Variants in HLA-DQB2 observed in about 807,000 individuals in gnomAD.
The protein encoded by HLA-DQB2 is HLA class II histocompatibility antigen, DQ beta 2 chain.
Under a neutral mutation model 29.2 loss-of-function variants are expected in HLA-DQB2, and 24 were observed. The observed-to-expected ratio is 0.82, with a 90% CI of 0.60 to 1.16. The LOEUF (loss-of-function observed/expected upper bound fraction) is 1.16. Among genes scored for constraint, HLA-DQB2 ranks in the 50% most tolerant of loss-of-function variants. The pLI is 0.00. For synonymous variants in HLA-DQB2, 104 were observed against 133.1 expected, an observed-to-expected ratio of 0.78 and a Z score of 1.51; for missense variants, 273 against 343.6, an observed-to-expected ratio of 0.79 and a Z score of 1.62.
At chr6:32,756,639 G>A (rs1764284934) in intron 5 of HLA-DQB2, 173 bp from the exon 6 acceptor site, 1 of 1,408,736 alleles carries the variant, frequency 7.1e-7, no homozygotes. Context: ...TGAGGACACA[G>A]AACTTCAGCT....
At chr6:32,758,750 T>G in intron 3 of HLA-DQB2, 100 bp downstream of exon 3, 1 of 1,237,458 alleles carries the variant, frequency 8.1e-7, no homozygotes, top group Non-Finnish European at 1.1e-6. Flanking sequence ...CCCAGCTCAG[T>G]AGTGATGTCA....
intron 2 of HLA-DQB2, among the ~76,000 whole-genome samples, chr6:32,759,333 T>G (rs1764569858): frequency 6.7e-6 from 1 of 149,748 alleles, no homozygotes; most frequent in Admixed American, 6.7e-5. Context: ...GTTCCTGCCT[T>G]TATAGAACTT....
chr6:32,759,858 G>C (rs200835450), intron 2 of HLA-DQB2, among the ~76,000 whole-genome samples: 1 of 152,204 alleles, frequency 6.6e-6, no homozygotes, highest in Non-Finnish European at 1.5e-5. Flanking sequence ...CATATAGCTG[G>C]GATTTGCTGA....
intron 1 of HLA-DQB2, among the ~76,000 whole-genome samples, chr6:32,763,058 C>T (rs9276584): frequency 0.17 from 25,986 of 151,536 alleles, 2,294 homozygotes; most frequent in Non-Finnish European, 0.19. Context: ...TGGGGAAATG[C>T]ATATCTTTGG....
At chr6:32,761,010 G>A (rs2006165) in intron 2 of HLA-DQB2, among the ~76,000 whole-genome samples, 101,004 of 147,244 alleles carry the variant, frequency 0.69, 30,949 homozygotes, top group East Asian at 0.83. Flanking sequence ...ACCACATGCC[G>A]GTCCACGAGT....
intron 3 of HLA-DQB2, 116 bp downstream of exon 3, chr6:32,758,734 G>A: frequency 8.0e-7 from 1 of 1,253,458 alleles, no homozygotes; most frequent in Non-Finnish European, 1.1e-6. Flanking sequence ...CTAGTCTCCT[G>A]TGATTCCCAG....
chr6:32,758,660 G>A (rs6457649), intron 3 of HLA-DQB2, among the ~76,000 whole-genome samples, 190 bp downstream of exon 3: 1 of 152,130 alleles, frequency 6.6e-6, no homozygotes, highest in Non-Finnish European at 1.5e-5. Flanking sequence ...TGATCTCCCT[G>A]GTATCTGGAA....
In HLA-DQB2 at chr6:32,756,292, C is replaced by G; in HGVS notation, c.*161G>C. 1 of 655,960 alleles carries G rather than the reference C, an allele frequency of 1.5e-6. No individual in the cohort carries two copies. 40.6% of individuals were successfully genotyped at this position (655,960 alleles called of 1,614,324 possible). A position where few individuals can be genotyped will look rare whatever the true frequency, so the allele number is the denominator to read the frequency against. On this transcript the variant is annotated 3_prime_UTR_variant, in exon 6 of 6. Transcript: ENST00000437316. Reference sequence around the variant, plus strand: ...CAGGAAGCAGAGTCACCACCAGTGCCTTGGGATGGGGATCACAGAAGGTGA... The same window carrying G: ...CAGGAAGCAGAGTCACCACCAGTGCGTTGGGATGGGGATCACAGAAGGTGA...
At chr6:32,756,662 G>A (rs1764286197) in intron 5 of HLA-DQB2, 196 bp from the exon 6 acceptor site, 1 of 1,379,836 alleles carries the variant, frequency 7.2e-7, no homozygotes, top group Non-Finnish European at 9.4e-7. Flanking sequence ...ATGCAGATAT[G>A]TGGAGGTGGG....
intron 5 of HLA-DQB2, 28 bp from the exon 6 acceptor site, chr6:32,756,494 G>A (rs1562213430): frequency 1.3e-6 from 2 of 1,567,632 alleles, no homozygotes; most frequent in African/African-American, 1.4e-5. Flanking sequence ...GGCATGATCA[G>A]CACAGGGTAC....
chr6:32,757,715 C>T (rs1465384774), intron 4 of HLA-DQB2, 58 bp downstream of exon 4: 2 of 1,444,656 alleles, frequency 1.4e-6, no homozygotes, highest in African/African-American at 1.4e-5. Context: ...CAGAACCTCT[C>T]TGAATAGAGG....
Position 32,761,742 on chromosome 6 carries a change from G to T in HLA-DQB2, c.282C>A (p.Phe94Leu). 6.4e-7 allele frequency: 1 copy of T among 1,558,736 alleles called. No homozygotes were observed. Among genetic ancestry groups the T allele is most frequent in the Non-Finnish European group, 8.7e-7 (1 of 1,151,336 alleles). Residue 94 changes from phenylalanine (F) to leucine (L), a missense_variant, in exon 2 of 6, where the codon TTC (phenylalanine) becomes TTA (leucine). Phe to Leu is a conservative substitution (Grantham distance 22). Transcript: ENST00000437316. ...SIEDWNNYKD[F>L]LEQERAAVDK... Reference sequence around the variant, plus strand: ...CCACCGCGGCCCGCTCCTGCTCCAAGAAGTCCTTATAGTTGTTCCAGTCCT... The same window carrying T: ...CCACCGCGGCCCGCTCCTGCTCCAATAAGTCCTTATAGTTGTTCCAGTCCT...
intron 2 of HLA-DQB2, among the ~76,000 whole-genome samples, chr6:32,760,296 GCTT>G (rs1259060784): frequency 6.6e-6 from 1 of 152,012 alleles, no homozygotes; most frequent in Non-Finnish European, 1.5e-5. Context: ...ACCCATTGCT[GCTT>G]CTTGTCAAAA....
chr6:32,759,344 G>A (rs1361328620), intron 2 of HLA-DQB2, among the ~76,000 whole-genome samples: 1 of 147,360 alleles, frequency 6.8e-6, no homozygotes, highest in Non-Finnish European at 1.5e-5. Flanking sequence ...TATAGAACTT[G>A]CAATCTAGTA....
At chr6:32,762,235 A>G (rs7453920) in intron 1 of HLA-DQB2, among the ~76,000 whole-genome samples, 97,627 of 151,988 alleles carry the variant, frequency 0.64, 31,980 homozygotes, top group East Asian at 0.87. Context: ...GGACCGATTC[A>G]ACATTGACCT....
chr6:32,762,046 C>A, intron 1 of HLA-DQB2, 120 bp from the exon 2 acceptor site: 12 of 1,306,968 alleles, frequency 9.2e-6, no homozygotes, highest in Non-Finnish European at 1.3e-5. Context: ...CCCGTCCACG[C>A]GAAATTGAGT....
intron 4 of HLA-DQB2, 52 bp from the exon 5 acceptor site, chr6:32,757,356 T>C: frequency 1.5e-6 from 2 of 1,315,028 alleles, no homozygotes; most frequent in Non-Finnish European, 1.1e-6. Context: ...ACAACCACTA[T>C]CTTACCCCAA....
chr6:32,759,630 T>C (rs1764599086), intron 2 of HLA-DQB2, among the ~76,000 whole-genome samples: 1 of 152,090 alleles, frequency 6.6e-6, no homozygotes, highest in African/African-American at 2.4e-5. Context: ...TTTATTTACT[T>C]GGTAATATGT....
At position 32,757,821 on chromosome 6, in the gene HLA-DQB2, G is replaced by A. The variant is rs1562217392; in HGVS notation, c.709C>T (p.Leu237=). 1 of 1,613,950 alleles carries A rather than the reference G, an allele frequency of 6.2e-7. No homozygotes were observed. The highest frequency in any genetic ancestry group is 8.5e-7 in the Non-Finnish European group (1 of 1,179,882). The change falls in exon 4 of 6, where the codon CTG becomes TTG. Residue 237 remains leucine, a synonymous_variant. Coordinates refer to ENST00000437316, the MANE Select transcript of HLA-DQB2 (RefSeq NM_001300790.2). ...LSGIGGFVLG[L]IFLGLGLIIR... ...ATAAGGCCCAGCCCGAGGAAGATCA[G>A]CCCCAGCACGAAGCCTCCAATGCCA...
Sources: allele counts gnomAD v4.1 joint callset (sites outside exome capture counted in the v4.1 genomes callset), GRCh38; gene constraint gnomAD v4.1.1; transcripts MANE v1.5; gene names NCBI Gene and HGNC (gene_info 2026-07-23, HGNC 2026-07-21).